The following STAU2 variants were observed in gnomAD, a reference collection of about 807,000 sequenced individuals.
STAU2 encodes staufen double-stranded RNA binding protein 2, also known as double-stranded RNA-binding protein Staufen homolog 2.
Under a neutral mutation model 65.9 loss-of-function variants are expected in STAU2, and 20 were observed. The observed-to-expected ratio is 0.30, with a 90% confidence interval of 0.21 to 0.44. The LOEUF is 0.44. Ranked by LOEUF, STAU2 falls within the 20% of genes least tolerant of loss-of-function variation. STAU2 has a pLI of 1.00. For missense variants in STAU2, 558 were observed against 683.9 expected, an observed-to-expected ratio of 0.82 and a Z score of 2.05; for synonymous variants, 232 against 233.9, an observed-to-expected ratio of 0.99 and a Z score of 0.07.
At chr8:73,616,763 A>G (rs1045257229) in intron 7 of STAU2, among the ~76,000 whole-genome samples, 3 of 151,828 alleles carry the variant, frequency 2.0e-5, no homozygotes, top group Non-Finnish European at 2.9e-5. Context: ...CTGCCACTGC[A>G]TTCCAGCCTG....
Position 73,425,117 on chromosome 8 carries a change from G to A in STAU2, c.1531-2415C>T, listed in dbSNP as rs76277687. On this transcript the variant is annotated intron_variant, in intron 13 of 14. Transcript: ENST00000524300. ...ATCTCCCTGGATACTGTTATAGGTCGAATTGTGCTCTTCCCCCAAATTCAT... is the reference window on the plus strand; with the variant it reads ...ATCTCCCTGGATACTGTTATAGGTCAAATTGTGCTCTTCCCCCAAATTCAT... Among the ~76,000 whole-genome samples, 6 of 152,276 alleles carry A rather than the reference G, an allele frequency of 3.9e-5. No homozygotes were observed. In the East Asian group the frequency reaches 5.8e-4, roughly 15 times the overall value.
chr8:73,689,364 C>T (rs1026219703), intron 4 of STAU2, among the ~76,000 whole-genome samples: 2 of 152,248 alleles, frequency 1.3e-5, no homozygotes, highest in Non-Finnish European at 2.9e-5. Flanking sequence ...TCTTCTTCCT[C>T]TCTCTGCCAA....
At chr8:73,443,410 G>A (rs1253438844) in intron 13 of STAU2, among the ~76,000 whole-genome samples, 7 of 152,132 alleles carry the variant, frequency 4.6e-5, no homozygotes, top group Non-Finnish European at 1.0e-4. Flanking sequence ...TTCAAAGGAG[G>A]AAAACGAATG....
intron 6 of STAU2, among the ~76,000 whole-genome samples, chr8:73,637,512 A>AAAAAAAAAAAAAAAAAAAAAAAC: frequency 7.2e-6 from 1 of 138,312 alleles, no homozygotes; most frequent in Non-Finnish European, 1.6e-5. Flanking sequence ...AAAAGAAAAG[A>AAAAAAAAAAAAAAAAAAAAAAAC]AAAAAAAGAA....
At chr8:73,501,940 A>C (rs1307270600) in intron 13 of STAU2, among the ~76,000 whole-genome samples, 1 of 151,948 alleles carries the variant, frequency 6.6e-6, no homozygotes, top group Admixed American at 6.6e-5. Context: ...AGGAGTTTCC[A>C]TTTCTGTTGG....
At chr8:73,683,535 C>T (rs2130482626) in intron 5 of STAU2, among the ~76,000 whole-genome samples, 1 of 152,188 alleles carries the variant, frequency 6.6e-6, no homozygotes, top group Admixed American at 6.5e-5. Context: ...AAGCATTCCC[C>T]CTGAGAACTG....
intron 13 of STAU2, among the ~76,000 whole-genome samples, chr8:73,485,273 G>A (rs947226359): frequency 2.7e-5 from 4 of 150,156 alleles, no homozygotes; most frequent in Non-Finnish European, 5.9e-5. Context: ...TGAACTCCTG[G>A]GATCAAGCAA....
chr8:73,448,886 G>A (rs1258673218), intron 13 of STAU2, among the ~76,000 whole-genome samples: 1 of 152,260 alleles, frequency 6.6e-6, no homozygotes, highest in African/African-American at 2.4e-5. Flanking sequence ...CTAGGGGCCA[G>A]TGCTCAGCGC....
intron 13 of STAU2, among the ~76,000 whole-genome samples, chr8:73,538,312 G>A (rs1806315039): frequency 6.6e-6 from 1 of 151,964 alleles, no homozygotes; most frequent in Non-Finnish European, 1.5e-5. Flanking sequence ...TTTTCTGAAA[G>A]TTTAAAATCC....
chr8:73,630,863 G>C (rs965886946), intron 6 of STAU2, among the ~76,000 whole-genome samples: 1 of 152,188 alleles, frequency 6.6e-6, no homozygotes, highest in Admixed American at 6.5e-5. Flanking sequence ...TTTCTATGAA[G>C]CTGCAGCATC....
At chr8:73,536,312 C>G (rs1028887923) in intron 13 of STAU2, among the ~76,000 whole-genome samples, 4 of 152,048 alleles carry the variant, frequency 2.6e-5, no homozygotes, top group African/African-American at 7.2e-5. Flanking sequence ...GAAAAGCCAG[C>G]AACTTGAGAA....
At chr8:73,627,435 G>A (rs1469007028) in intron 6 of STAU2, among the ~76,000 whole-genome samples, 34 of 152,136 alleles carry the variant, frequency 2.2e-4, no homozygotes, top group Admixed American at 1.7e-3. Context: ...GAAGGGCCTC[G>A]TCACAGGGGC....
chr8:73,600,309 T>C (rs1811542227), intron 10 of STAU2, among the ~76,000 whole-genome samples: 1 of 152,200 alleles, frequency 6.6e-6, no homozygotes, highest in Non-Finnish European at 1.5e-5. Context: ...ACAAATTGCA[T>C]AGTTTAAACC....
chr8:73,520,805 T>G (rs943562518), intron 13 of STAU2, among the ~76,000 whole-genome samples: 1 of 152,124 alleles, frequency 6.6e-6, no homozygotes, highest in Non-Finnish European at 1.5e-5. Flanking sequence ...ATAACCTGAG[T>G]CCTTGCTGAC....
At chr8:73,457,846 A>G (rs1215171671) in intron 13 of STAU2, among the ~76,000 whole-genome samples, 1 of 152,180 alleles carries the variant, frequency 6.6e-6, no homozygotes, top group African/African-American at 2.4e-5. Flanking sequence ...GCTGGGGCAG[A>G]GCCTGAGATA....
chr8:73,630,830 GC>G (rs971595371), intron 6 of STAU2, among the ~76,000 whole-genome samples: 7 of 152,144 alleles, frequency 4.6e-5, no homozygotes, highest in Non-Finnish European at 1.0e-4. Context: ...TAATCCATCA[GC>G]CTTCTTTGAT....
At chr8:73,641,520 T>A (rs183803154) in intron 6 of STAU2, among the ~76,000 whole-genome samples, 260 of 152,364 alleles carry the variant, frequency 1.7e-3, no homozygotes, top group Middle Eastern at 0.01. Flanking sequence ...CTTCAGCAAA[T>A]CATGTCAGCC....
rs1236801013 is a variant in STAU2, at chr8:73,673,384, G to A, written c.275-142C>T. 41 of 859,722 alleles carry A rather than the reference G, an allele frequency of 4.8e-5. No homozygotes were observed. In the Admixed American group the frequency reaches 1.3e-3, roughly 28 times the overall value. 53.3% of individuals were successfully genotyped at this position (859,722 alleles called of 1,614,324 possible). A position where few individuals can be genotyped will look rare whatever the true frequency, so the allele number is the denominator to read the frequency against. On this transcript the variant is annotated intron_variant, in intron 5 of 14. Transcript: ENST00000524300. ...CCTGTATGATTTTCTAAGGAACTGC[G>A]AAAACAAAGTAAAAAACCAAGAAAA... is the stretch of plus-strand genomic sequence containing the variant.
At chr8:73,523,492 T>C (rs1823174776) in intron 13 of STAU2, among the ~76,000 whole-genome samples, 2 of 152,120 alleles carry the variant, frequency 1.3e-5, no homozygotes, top group African/African-American at 4.8e-5. Flanking sequence ...TTCAGTGAAT[T>C]TGACAAACGC....
Sources: allele counts gnomAD v4.1 joint callset (sites outside exome capture counted in the v4.1 genomes callset), GRCh38; gene constraint gnomAD v4.1.1; transcripts MANE v1.5; gene names NCBI Gene and HGNC (gene_info 2026-07-23, HGNC 2026-07-21).